SPTB: variants seen among roughly 807,000 people sequenced by gnomAD.
SPTB encodes the protein spectrin beta chain, erythrocytic.
Under a neutral mutation model 256.2 loss-of-function variants are expected in SPTB, and 45 were observed. The observed-to-expected ratio is 0.18, with a 90% CI of 0.14 to 0.23. SPTB has a LOEUF of 0.23. Ranked by LOEUF, SPTB falls within the 10% of genes least tolerant of loss-of-function variation. SPTB has a pLI of 1.00. For missense variants in SPTB, 2,715 were observed against 3,040.4 expected (o/e 0.89, Z 2.52); for synonymous variants, 1,231 against 1,243.1 (o/e 0.99, Z 0.21).
At position 64,758,770 on chromosome 14, in the gene SPTB, G is replaced by A. The variant is rs2082052213; in HGVS notation, c.6346-4977C>T. The stretch of plus-strand genomic sequence containing the variant: ...AGGGATGGCCAGATGCTGCTGGCAG[G>A]CTCCTTGCTCACGGGGGAGGAGGGG... On this transcript the variant is annotated intron_variant, in intron 32 of 35. Transcript: ENST00000644917. This position sits in a 1 kb window ranked among gnomAD's most constrained non-coding sequence, Gnocchi z 4.6. Among the ~76,000 whole-genome samples the A allele has an allele frequency of 1.3e-5, 2 of 152,236 alleles. No homozygotes were observed. The highest frequency in any genetic ancestry group is 6.5e-5 in the Admixed American group (1 of 15,294).
chr14:64,879,697 C>A (rs939403463), intron 1 of SPTB, 95 bp downstream of exon 1: 11 of 152,470 alleles, frequency 7.2e-5, no homozygotes, highest in Admixed American at 5.9e-4. Flanking sequence ...TCAGGCGCCC[C>A]CTGGGCCCAG....
In SPTB at chr14:64,825,053, G is replaced by A. The variant is rs1048102811; in HGVS notation, c.-51-1908C>T. 6.6e-6 allele frequency among the ~76,000 whole-genome samples: 1 copy of A among 152,096 alleles called. No homozygotes were observed. Among genetic ancestry groups the A allele is most frequent in the Non-Finnish European group, 1.5e-5 (1 of 68,030 alleles). On this transcript the variant is annotated intron_variant, in intron 1 of 35. Transcript: ENST00000644917. This position sits in a 1 kb window ranked among gnomAD's most constrained non-coding sequence, Gnocchi z 4.8. ...TCCCCCTTGACCAGACGGGTTTCAG[G>A]AGGGCAGGTGGGGAAAGGACTGGAG...
chr14:64,837,981 A>G (rs1281606720), intron 1 of SPTB, among the ~76,000 whole-genome samples: 1 of 152,236 alleles, frequency 6.6e-6, no homozygotes, highest in Non-Finnish European at 1.5e-5. Flanking sequence ...TTTTGAAAGA[A>G]GAACAAAACT....
At position 64,873,710 on chromosome 14, in the gene SPTB, C is replaced by T. The variant is rs1209211097; in HGVS notation, c.-52+6082G>A. Among the ~76,000 whole-genome samples, 2 of 152,132 alleles carry T rather than the reference C, an allele frequency of 1.3e-5. No homozygotes were observed. The highest frequency in any genetic ancestry group is 4.8e-5 in the African/African-American group (2 of 41,418). On this transcript the variant is annotated intron_variant, in intron 1 of 35. Coordinates refer to ENST00000644917, the MANE Select transcript of SPTB (RefSeq NM_001355436.2). The surrounding 1 kb of genome is among the most constrained non-coding windows in gnomAD (Gnocchi z 4.3). ...AGCAACCGCGGTCTCAACCAGAAGG[C>T]CCAGAATATTCAATTACTCCACTGA...
At chr14:64,809,599 C>T (rs1360489293) in intron 2 of SPTB, among the ~76,000 whole-genome samples, 2 of 152,136 alleles carry the variant, frequency 1.3e-5, no homozygotes, top group Non-Finnish European at 2.9e-5. Flanking sequence ...CCCACCTTGG[C>T]CTCCCAAAGT....
chr14:64,749,396 G>A lies in SPTB; in HGVS notation c.6897C>T (p.Ser2299=), dbSNP rs746873092. 1.9e-6 allele frequency: 3 copies of A among 1,609,332 alleles called. No individual in the cohort carries two copies. Among genetic ancestry groups the A allele is most frequent in the Non-Finnish European group, 1.7e-6 (2 of 1,179,766 alleles). The change falls in exon 36 of 36, where the codon AGC becomes AGT. Residue 2299 remains serine, a synonymous_variant. Coordinates refer to ENST00000644917, the MANE Select transcript of SPTB (RefSeq NM_001355436.2). This position sits in a 1 kb window ranked among gnomAD's most constrained non-coding sequence, Gnocchi z 4.7. ...GGCCGGAGAGGGAAGGCAGGGGCAG[G>A]CTCTGCGCCTTGACGCGGATGCTCT... ...ESQSIRVKAQ[S]LPLPSLSGPD...
chr14:64,834,569 G>A (rs1356273939), intron 1 of SPTB, among the ~76,000 whole-genome samples: 10 of 152,016 alleles, frequency 6.6e-5, no homozygotes, highest in Admixed American at 6.6e-4. Context: ...GGGACTATAG[G>A]TACATGCCAC....
Position 64,754,463 on chromosome 14 carries a change from C to T in SPTB, c.6346-670G>A, listed in dbSNP as rs561228257. 7 of 157,404 alleles carry T rather than the reference C, an allele frequency of 4.4e-5. No individual in the cohort carries two copies. In the South Asian group the frequency reaches 1.3e-3, roughly 30 times the overall value. The allele number at this position is 157,404 out of a possible 1,614,324, so 9.8% of individuals were successfully genotyped here. On this transcript the variant is annotated intron_variant, in intron 32 of 35. Coordinates refer to ENST00000644917, the MANE Select transcript of SPTB (RefSeq NM_001355436.2). ...AACCCTGGCTGCCTTCCGCAATCAC[C>T]TCAGGTGCTTTCAAAAGAAACATTC...
chr14:64,836,112 C>A (rs2083518352), intron 1 of SPTB, among the ~76,000 whole-genome samples: 1 of 152,218 alleles, frequency 6.6e-6, no homozygotes, highest in Non-Finnish European at 1.5e-5. Flanking sequence ...TGCACCACTT[C>A]AAGGCCTTAG....
Position 64,826,383 on chromosome 14 carries a change from A to G in SPTB, c.-51-3238T>C, listed in dbSNP as rs575573228. Among the ~76,000 whole-genome samples the G allele has an allele frequency of 5.3e-5, 8 of 152,308 alleles. No individual in the cohort carries two copies. The East Asian group carries it at 1.5e-3, about 29-fold the overall frequency. ...GATGACCATGACTGAAAAAAACAGC[A>G]TATGTTGGGGCTCATGGTGGGGACA... is the stretch of plus-strand genomic sequence containing the variant. On this transcript the variant is annotated intron_variant, in intron 1 of 35. Transcript: ENST00000644917. The surrounding 1 kb of genome is among the most constrained non-coding windows in gnomAD (Gnocchi z 4.4).
At chr14:64,787,307 A>C in intron 15 of SPTB, 147 bp from the exon 16 acceptor site, 2 of 1,091,106 alleles carry the variant, frequency 1.8e-6, no homozygotes, top group Non-Finnish European at 2.6e-6. Flanking sequence ...AAATCTACCT[A>C]ACGAAGTGTA....
chr14:64,750,954 T>G (rs1270496367), intron 33 of SPTB, among the ~76,000 whole-genome samples: 1 of 144,660 alleles, frequency 6.9e-6, no homozygotes. Flanking sequence ...ATATAATACA[T>G]ATTTTATACA....
At chr14:64,817,494 G>T (rs1306956169) in intron 2 of SPTB, among the ~76,000 whole-genome samples, 1 of 152,208 alleles carries the variant, frequency 6.6e-6, no homozygotes, top group Non-Finnish European at 1.5e-5. Context: ...CATCTTTGTT[G>T]GTTACGGGTA....
At position 64,785,527 on chromosome 14, in the gene SPTB, G is replaced by A; in HGVS notation, c.3855+10C>T. 1 of 1,609,628 alleles carries A rather than the reference G, an allele frequency of 6.2e-7. No individual in the cohort carries two copies. Among genetic ancestry groups the A allele is most frequent in the Non-Finnish European group, 8.5e-7 (1 of 1,178,102 alleles). On this transcript the variant is annotated intron_variant, in intron 18 of 35. Coordinates refer to ENST00000644917, the MANE Select transcript of SPTB (RefSeq NM_001355436.2). The surrounding 1 kb of genome is among the most constrained non-coding windows in gnomAD (Gnocchi z 4.4). ...TCCAGGAAAGCAGCCACTCCTTGCT[G>A]GAGCCTCACCTCCTGGCAGTTCTGG...
At chr14:64,876,740 G>C (rs750711249) in intron 1 of SPTB, among the ~76,000 whole-genome samples, 6 of 152,148 alleles carry the variant, frequency 3.9e-5, no homozygotes, top group Non-Finnish European at 8.8e-5. Context: ...CTTATCCTCA[G>C]TACCTTTTCT....
chr14:64,851,910 G>A (rs990830439), intron 1 of SPTB, among the ~76,000 whole-genome samples: 6 of 152,088 alleles, frequency 3.9e-5, no homozygotes, highest in Admixed American at 6.6e-5. Context: ...TAGCTAATGC[G>A]TGCTGGGTTT....
rs2082697170 is a variant in SPTB, at chr14:64,792,786, T to C, written c.2666+211A>G. 6.6e-6 allele frequency among the ~76,000 whole-genome samples: 1 copy of C among 152,164 alleles called. No homozygotes were observed. The highest frequency in any genetic ancestry group is 2.4e-5 in the African/African-American group (1 of 41,436). On this transcript the variant is annotated intron_variant, in intron 14 of 35. Coordinates refer to ENST00000644917, the MANE Select transcript of SPTB (RefSeq NM_001355436.2). The surrounding 1 kb of genome is among the most constrained non-coding windows in gnomAD (Gnocchi z 4.2). ...CTGGACTAGATAAATTCCCTTTGTT[T>C]GAGGAACACAAGGCCCCAAAGGGTG... is the stretch of plus-strand genomic sequence containing the variant.
intron 26 of SPTB, among the ~76,000 whole-genome samples, chr14:64,771,772 C>T (rs781764810): frequency 5.9e-5 from 9 of 152,196 alleles, no homozygotes; most frequent in Non-Finnish European, 1.3e-4. Flanking sequence ...ACACCAGGCC[C>T]TCCACTCCAG....
intron 10 of SPTB, among the ~76,000 whole-genome samples, chr14:64,797,501 AAGGAC>A (rs2082797139): frequency 1.7e-5 from 2 of 116,730 alleles, no homozygotes; most frequent in African/African-American, 6.8e-5. Context: ...AAAAAAAAAA[AAGGAC>A]TCAGGGATGC....
Sources: allele counts gnomAD v4.1 joint callset (sites outside exome capture counted in the v4.1 genomes callset), GRCh38; gene constraint gnomAD v4.1.1; non-coding constraint Gnocchi (gnomAD v3.1); transcripts MANE v1.5; gene names NCBI Gene and HGNC (gene_info 2026-07-23, HGNC 2026-07-21).